Variants in ITGB4 observed in about 807,000 individuals in gnomAD.
The protein encoded by ITGB4 is integrin subunit beta 4.
ITGB4 carries 159 observed loss-of-function variants against 207.6 expected under a neutral mutation model. The observed-to-expected ratio is 0.77, with a 90% CI of 0.67 to 0.87. The LOEUF (loss-of-function observed/expected upper bound fraction) is 0.87, where lower values mean the gene tolerates loss of function less well. Among genes scored for constraint, ITGB4 ranks in the 40% least tolerant of loss-of-function variants. ITGB4 has a pLI of 0.00. For synonymous variants in ITGB4, 1,020 were observed against 1,062.7 expected, an observed-to-expected ratio of 0.96 and a Z score of 0.78; for missense variants, 2,278 against 2,546.8, an observed-to-expected ratio of 0.89 and a Z score of 2.27.
At chr17:75,723,744 G>A (rs1328945122) in intron 1 of ITGB4, among the ~76,000 whole-genome samples, 1 of 152,258 alleles carries the variant, frequency 6.6e-6, no homozygotes, top group African/African-American at 2.4e-5. Context: ...ATTCAATGGG[G>A]AGGGCCCGTG....
rs2061515489 is a variant in ITGB4 at position 75,756,736 on chromosome 17, C to T, written c.4930C>T (p.Pro1644Ser). ...SAFTLSTPSA[P>S]GPLVFTALSP... is the part of the protein sequence containing the mutation. ...CTTCACTTTGAGCACTCCCAGTGCC[C>T]CAGGCCCGCTGGTGTTCACTGCCCT... The change falls in exon 37 of 40, where the codon CCA (proline) becomes TCA (serine). Residue 1644 changes from proline (P) to serine (S), a missense_variant. Coordinates refer to ENST00000200181, the MANE Select transcript of ITGB4 (RefSeq NM_000213.5). 1.2e-6 allele frequency: 2 copies of T among 1,613,232 alleles called. No individual in the cohort carries two copies. Among genetic ancestry groups the T allele is most frequent in the Non-Finnish European group, 1.7e-6 (2 of 1,180,022 alleles).
Position 75,756,516 on chromosome 17 carries a change from G to A in ITGB4, c.4796G>A (p.Arg1599His), listed in dbSNP as rs770427712. 26 of 1,613,182 alleles carry A rather than the reference G, an allele frequency of 1.6e-5. No homozygotes were observed. The highest frequency in any genetic ancestry group is 8.3e-5 in the Admixed American group (5 of 60,002). Residue 1599 changes from arginine to histidine, a missense_variant, in exon 36 of 40, where the codon CGC becomes CAC. Physicochemically the swap from Arg to His is conservative, Grantham distance 29. Coordinates refer to ENST00000200181, the MANE Select transcript of ITGB4 (RefSeq NM_000213.5). ...DLLPNHSYVF[R>H]VRAQSQEGWG... ...CTGCCCAACCACTCCTACGTGTTCC[G>A]CGTGCGGGCCCAGAGCCAGGAAGGC...
chr17:75,734,027 C>T (rs746214433), intron 13 of ITGB4, among the ~76,000 whole-genome samples: 2 of 152,152 alleles, frequency 1.3e-5, no homozygotes, highest in Non-Finnish European at 1.5e-5. Context: ...TGGGTGCCAC[C>T]CAGCTCAGCC....
At chr17:75,743,583 G>C (rs1180367202) in intron 25 of ITGB4, 130 bp from the exon 26 acceptor site, 56 of 1,242,682 alleles carry the variant, frequency 4.5e-5, no homozygotes, top group Non-Finnish European at 6.5e-5. Flanking sequence ...GCCCTTCCCA[G>C]AGGGCAATGC....
Position 75,731,118 on chromosome 17 carries a change from GCCACCTGGGCCTGGCCCTGGCT to G in ITGB4, c.1093-125_1093-104del. The stretch of plus-strand genomic sequence containing the variant: ...CTAGCTATCCCTGAGGCCCCGAGGG[GCCACCTGGGCCTGGCCCTGGCT>G]CCTGCAGGCTCTGTGATACCCCGCA... On this transcript the variant is annotated intron_variant, in intron 9 of 39. Coordinates refer to ENST00000200181, the MANE Select transcript of ITGB4 (RefSeq NM_000213.5). The surrounding 1 kb of genome is among the most constrained non-coding windows in gnomAD (Gnocchi z 6.8). The G allele has an allele frequency of 1.3e-6, 2 of 1,521,914 alleles. No individual in the cohort carries two copies. The highest frequency in any genetic ancestry group is 4.6e-5 in the East Asian group (2 of 43,874). 94.3% of individuals were successfully genotyped at this position (1,521,914 alleles called of 1,614,324 possible).
Position 75,733,629 on chromosome 17 carries a change from G to A in ITGB4, c.1594G>A (p.Glu532Lys), listed in dbSNP as rs2060911979. Residue 532 changes from glutamate to lysine, a missense_variant, in exon 13 of 40, where the codon GAG becomes AAG. Physicochemically the swap from Glu to Lys is moderately conservative, Grantham distance 56. Coordinates refer to ENST00000200181, the MANE Select transcript of ITGB4 (RefSeq NM_000213.5). Reference protein sequence around the residue: ...HCVCYGEGRYEGQFCEYDNFQ... With the variant: ...HCVCYGEGRYKGQFCEYDNFQ... ...TGTGTGCTACGGCGAAGGCCGCTAC[G>A]AGGGTCAGTTCTGCGAGTATGACAA... The A allele has an allele frequency of 3.7e-6, 6 of 1,614,198 alleles. No individual in the cohort carries two copies. Among genetic ancestry groups the A allele is most frequent in the Non-Finnish European group, 3.4e-6 (4 of 1,180,046 alleles).
intron 18 of ITGB4, 144 bp downstream of exon 18, chr17:75,737,788 CCAGGGTCCCCATCCCAA>C (rs1373068301): frequency 9.6e-6 from 7 of 729,476 alleles, no homozygotes; most frequent in African/African-American, 8.7e-5. Context: ...CCCCACCTCC[CCAGGGTCCCCATCCCAA>C]CAGGGTCCCC....
rs2061554670 is a variant in ITGB4 at position 75,757,726 on chromosome 17, T to C, written c.*171T>C. ...CATGAAGGGGGCAAGGTCCGTCCTCTGTGGGCCCAAACCTATTTGTAACCA... is the reference window on the plus strand; with the variant it reads ...CATGAAGGGGGCAAGGTCCGTCCTCCGTGGGCCCAAACCTATTTGTAACCA... On this transcript the variant is annotated 3_prime_UTR_variant, in exon 40 of 40. Coordinates refer to ENST00000200181, the MANE Select transcript of ITGB4 (RefSeq NM_000213.5). 4.6e-6 allele frequency: 4 copies of C among 872,106 alleles called. No homozygotes were observed. In the East Asian group the frequency reaches 7.9e-5, roughly 17 times the overall value. The allele number at this position is 872,106 out of a possible 1,614,324, so 54.0% of individuals were successfully genotyped here. A position where few individuals can be genotyped will look rare whatever the true frequency, so the allele number is the denominator to read the frequency against.
At position 75,752,262 on chromosome 17, in the gene ITGB4, C is replaced by T; in HGVS notation, c.3882C>T (p.Tyr1294=). The part of the protein sequence containing the change: ...LIENLRESQP[Y]RYTVKARNGA... ...AGAACCTTCGGGAGTCCCAGCCCTACCGCTACACGGTGAAGGCGCGCAACG... is the reference window on the plus strand; with the variant it reads ...AGAACCTTCGGGAGTCCCAGCCCTATCGCTACACGGTGAAGGCGCGCAACG... The change falls in exon 31 of 40, where the codon TAC becomes TAT. Residue 1294 remains tyrosine, a synonymous_variant. Transcript: ENST00000200181. 3.1e-6 allele frequency: 5 copies of T among 1,613,558 alleles called. No individual in the cohort carries two copies. In the South Asian group the frequency reaches 4.4e-5, roughly 14 times the overall value.
In ITGB4 at chr17:75,728,363, C is replaced by T; in HGVS notation, c.470-14C>T. 6.2e-7 allele frequency: 1 copy of T among 1,613,212 alleles called. No individual in the cohort carries two copies. On this transcript the variant is annotated splice_polypyrimidine_tract_variant and intron_variant, in intron 5 of 39. Coordinates refer to ENST00000200181, the MANE Select transcript of ITGB4 (RefSeq NM_000213.5). The stretch of plus-strand genomic sequence containing the variant: ...AGGGCTCAGCTATCCCCTCTCTGTC[C>T]TTTTGACATCCAGCTCGGGTCCTGA...
Position 75,757,810 on chromosome 17 carries a change from C to A in ITGB4, c.*255C>A. ...GTTCTGCACTTAATAAATGGTTTTGCTACTGCTAGGCCCTGCCTTGCCCAT... is the reference window on the plus strand; with the variant it reads ...GTTCTGCACTTAATAAATGGTTTTGATACTGCTAGGCCCTGCCTTGCCCAT... On this transcript the variant is annotated 3_prime_UTR_variant, in exon 40 of 40. Coordinates refer to ENST00000200181, the MANE Select transcript of ITGB4 (RefSeq NM_000213.5). 1.5e-6 allele frequency: 1 copy of A among 661,852 alleles called. No homozygotes were observed. Among genetic ancestry groups the A allele is most frequent in the South Asian group, 1.9e-5 (1 of 53,770 alleles). The allele number at this position is 661,852 out of a possible 1,614,324, so 41.0% of individuals were successfully genotyped here.
At chr17:75,726,459 C>G (rs982068954) in intron 2 of ITGB4, among the ~76,000 whole-genome samples, 3 of 151,416 alleles carry the variant, frequency 2.0e-5, no homozygotes, top group Non-Finnish European at 1.5e-5. Flanking sequence ...AGGTTGGGCA[C>G]AGTAGCTCAC....
At position 75,757,072 on chromosome 17, in the gene ITGB4, G is replaced by A. The variant is rs767247375; in HGVS notation, c.5183G>A (p.Arg1728His). The change falls in exon 38 of 40, where the codon CGC becomes CAC. Residue 1728 changes from arginine to histidine, a missense_variant. Arg to His is a conservative substitution (Grantham distance 29, BLOSUM62 0). Transcript: ENST00000200181. ...ACCACTGAGGGCTTCGGGCCAGAGC[G>A]CGAGGGCATCATCACCATAGAGTCC... ...ARTTEGFGPE[R>H]EGIITIESQD... 3.3e-5 allele frequency: 53 copies of A among 1,612,718 alleles called. No individual in the cohort carries two copies. The highest frequency in any genetic ancestry group is 2.1e-4 in the African/African-American group (16 of 74,834).
In ITGB4 at chr17:75,752,229, G is replaced by A. The variant is rs368037184; in HGVS notation, c.3849G>A (p.Leu1283=). 4 of 1,613,792 alleles carry A rather than the reference G, an allele frequency of 2.5e-6. No individual in the cohort carries two copies. Among genetic ancestry groups the A allele is most frequent in the African/African-American group, 1.3e-5 (1 of 74,944 alleles). ...VLVDNPKNRM[L]LIENLRESQP... ...TTGACAACCCTAAGAACCGGATGCT[G>A]CTTATTGAGAACCTTCGGGAGTCCC... The change falls in exon 31 of 40, where the codon CTG becomes CTA. Residue 1283 remains leucine (L), a synonymous_variant. Transcript: ENST00000200181.
At position 75,724,785 on chromosome 17, in the gene ITGB4, G is replaced by A. The variant is rs1231903931; in HGVS notation, c.79+3G>A. On this transcript the variant is annotated splice_donor_region_variant and intron_variant, in intron 2 of 39. Transcript: ENST00000200181. ...CGTCAGCCTCTCTGGGACCTTGGGT[G>A]AGTCCACGTTGCCCTGCAGCCCCCT... 2 of 1,612,738 alleles carry A rather than the reference G, an allele frequency of 1.2e-6. No individual in the cohort carries two copies. Among genetic ancestry groups the A allele is most frequent in the Admixed American group, 3.3e-5 (2 of 60,004 alleles).
Position 75,752,271 on chromosome 17 carries a change from G to C in ITGB4, c.3891G>C (p.Thr1297=), listed in dbSNP as rs769365580. The C allele has an allele frequency of 1.2e-6, 2 of 1,613,364 alleles. No individual in the cohort carries two copies. Among genetic ancestry groups the C allele is most frequent in the African/African-American group, 2.7e-5 (2 of 74,942 alleles). ...NLRESQPYRY[T]VKARNGAGWG... is the part of the protein sequence containing the mutation. ...GGGAGTCCCAGCCCTACCGCTACAC[G>C]GTGAAGGCGCGCAACGGGGCCGGCT... The change falls in exon 31 of 40, where the codon ACG becomes ACC. Residue 1297 remains threonine (T), a synonymous_variant. Transcript: ENST00000200181.
chr17:75,746,327 G>C (rs1266206324), intron 26 of ITGB4: 1 of 151,720 alleles, frequency 6.6e-6, no homozygotes, highest in Non-Finnish European at 1.5e-5. Context: ...CCACCTCCAG[G>C]GTTCAAGCGA....
intron 13 of ITGB4, among the ~76,000 whole-genome samples, chr17:75,734,127 GTTTTTTT>G (rs58249158): frequency 5.3e-5 from 4 of 76,094 alleles, no homozygotes; most frequent in African/African-American, 2.5e-4. Context: ...TGTTGCTGCT[GTTTTTTT>G]TTTTTTTTTT....
Position 75,729,504 on chromosome 17 carries a change from G to T in ITGB4, c.738+68G>T, listed in dbSNP as rs2060805172. On this transcript the variant is annotated intron_variant, in intron 7 of 39. Coordinates refer to ENST00000200181, the MANE Select transcript of ITGB4 (RefSeq NM_000213.5). The surrounding 1 kb of genome is among the most constrained non-coding windows in gnomAD (Gnocchi z 4.4). ...GCACTTCTGGGCAAGGGCCTGAGCT[G>T]CCCCCTGGCCTGCTCTGGTGCCAGG... 6.6e-7 allele frequency: 1 copy of T among 1,517,690 alleles called. No individual in the cohort carries two copies. Among genetic ancestry groups the T allele is most frequent in the Admixed American group, 1.9e-5 (1 of 53,718 alleles). 94.0% of individuals were successfully genotyped at this position (1,517,690 alleles called of 1,614,324 possible). A position where few individuals can be genotyped will look rare whatever the true frequency, so the allele number is the denominator to read the frequency against.
Sources: gnomAD v4.1 joint callset for allele counts (sites outside exome capture counted in the v4.1 genomes callset) on GRCh38, gnomAD v4.1.1 for gene constraint, Gnocchi (gnomAD v3.1) non-coding constraint, MANE v1.5 for transcripts, NCBI Gene and HGNC (gene_info 2026-07-23, HGNC 2026-07-21) for gene names.